Variants in TTC16 observed in about 807,000 individuals in gnomAD.
TTC16 encodes tetratricopeptide repeat domain 16, also known as tetratricopeptide repeat protein 16.
Under a neutral mutation model 80.4 loss-of-function variants are expected in TTC16, and 66 were observed. That is an observed-to-expected ratio of 0.82 (90% CI 0.67 to 1.01). The LOEUF is 1.01. Ranked by LOEUF, TTC16 falls within the 50% of genes least tolerant of loss-of-function variation. The pLI is 0.00. For missense variants in TTC16, 1,070 were observed against 1,103.2 expected (o/e 0.97, Z 0.43); for synonymous variants, 438 against 451.3 (o/e 0.97, Z 0.37).
Position 127,729,812 on chromosome 9 carries a change from G to A in TTC16, c.1852+144G>A, listed in dbSNP as rs188353513. On this transcript the variant is annotated intron_variant, in intron 13 of 13. Transcript: ENST00000373289. ...GGCCTGGGGCGAGTGGCTCTAGAGC[G>A]GGAGTAACACTGTTGCGGGGCTGCC... 3.5e-4 allele frequency: 241 copies of A among 692,852 alleles called. No individual in the cohort carries two copies. In the African/African-American group the frequency reaches 3.5e-3, roughly 10 times the overall value. 42.9% of individuals were successfully genotyped at this position (692,852 alleles called of 1,614,324 possible). A position where few individuals can be genotyped will look rare whatever the true frequency, so the allele number is the denominator to read the frequency against.
At chr9:127,727,670 G>T (rs1447420367) in intron 12 of TTC16, 6 of 1,098,546 alleles carry the variant, frequency 5.5e-6, no homozygotes, top group Non-Finnish European at 7.3e-6. Flanking sequence ...GGTGTGTGGG[G>T]ATGTGGGCCC....
In TTC16 at chr9:127,716,095, G is replaced by A. The variant is rs748197000; in HGVS notation, c.-51G>A. 74 of 1,613,684 alleles carry A rather than the reference G, an allele frequency of 4.6e-5. No individual in the cohort carries two copies. The highest frequency in any genetic ancestry group is 2.5e-4 in the South Asian group (23 of 91,086). On this transcript the variant is annotated 5_prime_UTR_variant, in exon 1 of 14. Transcript: ENST00000373289. Reference sequence around the variant, plus strand: ...ATGGTGCCTAGCAACGTCAGGGCCAGGGCCGCGAGGTAGTTGGCAGAGGCC... The same window carrying A: ...ATGGTGCCTAGCAACGTCAGGGCCAAGGCCGCGAGGTAGTTGGCAGAGGCC...
At position 127,723,794 on chromosome 9, in the gene TTC16, C is replaced by T. The variant is rs551824693; in HGVS notation, c.873-326C>T. Among the ~76,000 whole-genome samples the T allele has an allele frequency of 5.3e-5, 8 of 152,242 alleles. No individual in the cohort carries two copies. In the South Asian group the frequency reaches 8.3e-4, roughly 16 times the overall value. On this transcript the variant is annotated intron_variant, in intron 7 of 13. Coordinates refer to ENST00000373289, the MANE Select transcript of TTC16 (RefSeq NM_144965.3). ...GTGACATGAGAGGCCACTGTGATTT[C>T]GGGCCAATTAACCTATCCAAACAGT...
intron 9 of TTC16, 50 bp from the exon 10 acceptor site, chr9:127,726,189 C>T: frequency 6.8e-7 from 1 of 1,478,672 alleles, no homozygotes; most frequent in Non-Finnish European, 9.1e-7. Flanking sequence ...CACCATTTTC[C>T]CCACAGATGG....
At position 127,723,225 on chromosome 9, in the gene TTC16, G is replaced by A. The variant is rs199762451; in HGVS notation, c.764G>A (p.Arg255His). The A allele has an allele frequency of 2.4e-5, 38 of 1,612,870 alleles. No individual in the cohort carries two copies. Among genetic ancestry groups the A allele is most frequent in the East Asian group, 4.5e-5 (2 of 44,892 alleles). ...QKMVAQAQQA[R>H]QDAGILAVQG... Reference sequence around the variant, plus strand: ...ATGGTGGCCCAGGCCCAGCAGGCGCGCCAAGATGCGGGGATCCTGGCTGTG... The same window carrying A: ...ATGGTGGCCCAGGCCCAGCAGGCGCACCAAGATGCGGGGATCCTGGCTGTG... Residue 255 changes from arginine (R) to histidine (H), a missense_variant, in exon 7 of 14, where the codon CGC becomes CAC. By Grantham distance (29) the Arg-to-His change is conservative. Coordinates refer to ENST00000373289, the MANE Select transcript of TTC16 (RefSeq NM_144965.3).
intron 1 of TTC16, 198 bp downstream of exon 1, chr9:127,716,361 G>T: frequency 1.3e-6 from 1 of 765,074 alleles, no homozygotes; most frequent in South Asian, 1.7e-5. Context: ...GAGGTCTCTG[G>T]CTTGGGTAGC....
rs770105066 is a variant in TTC16 at position 127,731,236 on chromosome 9, C to G, written c.2453C>G (p.Thr818Ser). The G allele has an allele frequency of 1.9e-6, 3 of 1,612,914 alleles. No homozygotes were observed. The Admixed American group carries it at 5.0e-5, about 27-fold the overall frequency. Residue 818 changes from threonine (T) to serine (S), a missense_variant, in exon 14 of 14, where the codon ACT (threonine) becomes AGT (serine). Transcript: ENST00000373289. ...GACTCAAACTGGAGCCTCAGCAAAA[C>G]TGAGTATGCCCAAGGCCAGGGCCAG... ...FYDSNWSLSK[T>S]EYAQGQGQRS...
intron 6 of TTC16, 101 bp downstream of exon 6, chr9:127,720,496 GC>G: frequency 1.3e-6 from 2 of 1,498,982 alleles, no homozygotes; most frequent in Non-Finnish European, 1.8e-6. Context: ...CAGCCCAGAA[GC>G]CCCATCCCAC....
At position 127,724,836 on chromosome 9, in the gene TTC16, G is replaced by T; in HGVS notation, c.1198G>T (p.Gly400Cys). 6.2e-7 allele frequency: 1 copy of T among 1,602,378 alleles called. No individual in the cohort carries two copies. ...QALALSPQDE[G>C]ANTRMGLLQE... ...GCTGGCGCTGAGCCCTCAGGACGAG[G>T]GCGCCAACACGCGCATGGGCCTGCT... The change falls in exon 9 of 14, where the codon GGC becomes TGC. Residue 400 changes from glycine (G) to cysteine (C), a missense_variant. Transcript: ENST00000373289.
At position 127,723,308 on chromosome 9, in the gene TTC16, C is replaced by G. The variant is rs1843648038; in HGVS notation, c.847C>G (p.Leu283Val). The change falls in exon 7 of 14, where the codon CTG (leucine) becomes GTG (valine). Residue 283 changes from leucine to valine, a missense_variant. Physicochemically the swap from Leu to Val is conservative, Grantham distance 32. Transcript: ENST00000373289. ...CAACCGTGCCATCGAGAACAACCCT[C>G]TGGACCCCAGTCTCTTCCTCTTCCG... ...RINRAIENNP[L>V]DPSLFLFRGT... is the part of the protein sequence containing the mutation. 1.2e-6 allele frequency: 2 copies of G among 1,612,862 alleles called. No homozygotes were observed. The highest frequency in any genetic ancestry group is 4.5e-5 in the East Asian group (2 of 44,876).
intron 10 of TTC16, among the ~76,000 whole-genome samples, 191 bp downstream of exon 10, chr9:127,726,595 C>A (rs569656132): frequency 6.6e-6 from 1 of 151,934 alleles, no homozygotes; most frequent in Non-Finnish European, 1.5e-5. Flanking sequence ...CGAGACCCAC[C>A]GGGCCAACAT....
Position 127,720,350 on chromosome 9 carries a change from C to T in TTC16, c.612C>T (p.Ala204=), listed in dbSNP as rs372543965. The change falls in exon 6 of 14, where the codon GCC becomes GCT. Residue 204 remains alanine (A), a synonymous_variant. Coordinates refer to ENST00000373289, the MANE Select transcript of TTC16 (RefSeq NM_144965.3). ...AGCTGAAGCAGGACACCACCAACGC[C>T]GATGTCTACATCTTCCGGGCCAGAC... The part of the protein sequence containing the change: ...TNELKQDTTN[A]DVYIFRARLY... The T allele has an allele frequency of 6.1e-5, 99 of 1,613,330 alleles. 1 individual carries two copies. The highest frequency in any genetic ancestry group is 5.6e-4 in the South Asian group (51 of 91,084).
chr9:127,726,802 A>T lies in TTC16; in HGVS notation c.1426-168A>T, dbSNP rs111625548. ...GACTCTGTCTCAAAAAAAAAAAAAA[A>T]AAAAAAAAAAAAAAAAAAACAAACA... On this transcript the variant is annotated intron_variant, in intron 10 of 13. Coordinates refer to ENST00000373289, the MANE Select transcript of TTC16 (RefSeq NM_144965.3). Among the ~76,000 whole-genome samples, 3 of 21,262 alleles carry T rather than the reference A, an allele frequency of 1.4e-4. 1 individual carries two copies. Among genetic ancestry groups the T allele is most frequent in the African/African-American group, 1.2e-3 (3 of 2,534 alleles). The allele number at this position is 21,262 out of a possible 152,430, so 13.9% of individuals were successfully genotyped here.
At chr9:127,716,708 C>T (rs912419642) in intron 1 of TTC16, 136 bp from the exon 2 acceptor site, 2 of 1,191,782 alleles carry the variant, frequency 1.7e-6, no homozygotes, top group Admixed American at 2.8e-5. Context: ...GGAGCGCCAC[C>T]GGAACCCCGA....
At position 127,718,780 on chromosome 9, in the gene TTC16, TG is replaced by T. The variant is rs1564377963; in HGVS notation, c.426+1011del. ...CTAATTTTTGTACTTTTAATAGAGA[TG>T]GGTTTTTGCCATGTTGGCCAGGCCG... On this transcript the variant is annotated intron_variant, in intron 4 of 13. Coordinates refer to ENST00000373289, the MANE Select transcript of TTC16 (RefSeq NM_144965.3). The surrounding 1 kb of genome is among the most constrained non-coding windows in gnomAD (Gnocchi z 4.6). Among the ~76,000 whole-genome samples, 1 of 151,738 alleles carries T rather than the reference TG, an allele frequency of 6.6e-6. No homozygotes were observed. The highest frequency in any genetic ancestry group is 1.5e-5 in the Non-Finnish European group (1 of 67,864).
chr9:127,725,082 T>C (rs1264501984), intron 9 of TTC16, among the ~76,000 whole-genome samples, 185 bp downstream of exon 9: 1 of 152,192 alleles, frequency 6.6e-6, no homozygotes, highest in Non-Finnish European at 1.5e-5. Context: ...CTGGCCAATA[T>C]GGTGAAACCC....
intron 6 of TTC16, among the ~76,000 whole-genome samples, chr9:127,721,552 C>A (rs574771): frequency 6.6e-6 from 1 of 151,794 alleles, no homozygotes; most frequent in East Asian, 2.0e-4. Flanking sequence ...TGGGTGCGGC[C>A]GAAATGCCAG....
At chr9:127,717,834 G>T in intron 4 of TTC16, 62 bp downstream of exon 4, 1 of 1,548,166 alleles carries the variant, frequency 6.5e-7, no homozygotes, top group Non-Finnish European at 8.7e-7. Flanking sequence ...GGGCTCTCCT[G>T]GCTCCTGGGC....
At chr9:127,726,657 G>A (rs916181405) in intron 10 of TTC16, among the ~76,000 whole-genome samples, 8 of 152,048 alleles carry the variant, frequency 5.3e-5, no homozygotes, top group Non-Finnish European at 1.0e-4. Context: ...GCATGGTGGT[G>A]CACGGTTATA....
Sources: gnomAD v4.1 joint callset for allele counts (sites outside exome capture counted in the v4.1 genomes callset) on GRCh38, gnomAD v4.1.1 for gene constraint, Gnocchi (gnomAD v3.1) non-coding constraint, MANE v1.5 for transcripts, NCBI Gene and HGNC (gene_info 2026-07-23, HGNC 2026-07-21) for gene names.